The following LETM1 variants were observed in gnomAD, a reference collection of about 807,000 sequenced individuals.
The protein encoded by LETM1 is mitochondrial proton/calcium exchanger protein.
LETM1 carries 50 observed loss-of-function variants against 74.5 expected under a neutral mutation model. The ratio of observed to expected loss-of-function variants is 0.67; its 90% CI spans 0.53 to 0.85. LETM1 has a LOEUF of 0.85. Ranked by LOEUF, LETM1 falls within the 40% of genes least tolerant of loss-of-function variation. The pLI, the probability that LETM1 is intolerant of heterozygous loss-of-function variation, is 0.00. For synonymous variants in LETM1, 446 were observed against 407.1 expected, an observed-to-expected ratio of 1.10 and a Z score of -1.15; for missense variants, 824 against 967.8, an observed-to-expected ratio of 0.85 and a Z score of 1.97.
chr4:1,817,519 T>A (rs575481225), intron 11 of LETM1, among the ~76,000 whole-genome samples: 1 of 151,814 alleles, frequency 6.6e-6, no homozygotes, highest in East Asian at 1.9e-4. Flanking sequence ...CAAGATCACA[T>A]CACTGCACTT....
In LETM1 at chr4:1,834,726, C is replaced by G; in HGVS notation, c.876+119G>C. The G allele has an allele frequency of 6.6e-7, 1 of 1,522,690 alleles. No individual in the cohort carries two copies. The highest frequency in any genetic ancestry group is 1.4e-5 in the African/African-American group (1 of 72,316). 94.3% of individuals were successfully genotyped at this position (1,522,690 alleles called of 1,614,324 possible). A position where few individuals can be genotyped will look rare whatever the true frequency, so the allele number is the denominator to read the frequency against. ...CCCCCGACTGAGCCTCCTGGGTAAACTTTCAAGCGCCAGCCAGCACCTGGG... is the reference window on the plus strand; with the variant it reads ...CCCCCGACTGAGCCTCCTGGGTAAAGTTTCAAGCGCCAGCCAGCACCTGGG... On this transcript the variant is annotated intron_variant, in intron 5 of 13. Coordinates refer to ENST00000302787, the MANE Select transcript of LETM1 (RefSeq NM_012318.3). The surrounding 1 kb of genome is among the most constrained non-coding windows in gnomAD (Gnocchi z 5.0).
At chr4:1,821,112 T>C (rs1047137840) in intron 10 of LETM1, among the ~76,000 whole-genome samples, 8 of 150,816 alleles carry the variant, frequency 5.3e-5, no homozygotes, top group African/African-American at 1.9e-4. Context: ...TTTGATTTGC[T>C]AAAAAGTGAA....
chr4:1,842,940 T>C (rs1712754746), intron 2 of LETM1: 2 of 285,308 alleles, frequency 7.0e-6, no homozygotes, highest in South Asian at 5.8e-5. Context: ...CCTGCGTGTC[T>C]TGCCTGGCAC....
At chr4:1,816,103 T>C (rs571642593) in intron 12 of LETM1, among the ~76,000 whole-genome samples, 82 of 152,392 alleles carry the variant, frequency 5.4e-4, no homozygotes, top group African/African-American at 2.0e-3. Flanking sequence ...CTCAGGCCTG[T>C]GGCCACTTGG....
intron 6 of LETM1, among the ~76,000 whole-genome samples, chr4:1,832,067 G>A (rs926314145): frequency 3.9e-5 from 6 of 152,206 alleles, no homozygotes; most frequent in South Asian, 2.1e-4. Context: ...TTGGGAGGCC[G>A]ATGTGGGCAG....
At chr4:1,851,947 C>T (rs2108858205) in intron 1 of LETM1, among the ~76,000 whole-genome samples, 1 of 152,342 alleles carries the variant, frequency 6.6e-6, no homozygotes, top group South Asian at 2.1e-4. Context: ...CCAAGGAACC[C>T]CCAGTCAAGG....
chr4:1,818,543 G>A (rs1300988394), intron 11 of LETM1, among the ~76,000 whole-genome samples: 3 of 151,970 alleles, frequency 2.0e-5, no homozygotes, highest in East Asian at 1.9e-4. Flanking sequence ...AACCCAGGAG[G>A]CGGAAGTTGC....
At position 1,815,042 on chromosome 4, in the gene LETM1, A is replaced by G. The variant is rs116656301; in HGVS notation, c.2071-469T>C. Among the ~76,000 whole-genome samples the G allele has an allele frequency of 3.3e-3, 504 of 152,302 alleles. 5 individuals carry two copies. The highest frequency in any genetic ancestry group is 0.012 in the African/African-American group (480 of 41,534). The stretch of plus-strand genomic sequence containing the variant: ...AGACGTCTGGAAAATCACTAACCTG[A>G]TGCATGCACCGGGAGCCACGAGGCA... On this transcript the variant is annotated intron_variant, in intron 13 of 13. Coordinates refer to ENST00000302787, the MANE Select transcript of LETM1 (RefSeq NM_012318.3).
intron 4 of LETM1, among the ~76,000 whole-genome samples, chr4:1,835,459 A>C (rs1442688311): frequency 6.7e-6 from 1 of 150,106 alleles, no homozygotes; most frequent in African/African-American, 2.5e-5. Flanking sequence ...AACAAAAACA[A>C]AACAAAAACA....
At position 1,814,080 on chromosome 4, in the gene LETM1, T is replaced by C. The variant is rs1234629140; in HGVS notation, c.*344A>G. On this transcript the variant is annotated 3_prime_UTR_variant, in exon 14 of 14. Transcript: ENST00000302787. ...CGGAGTCCACGTGGTCCTCATTCTCTTCCCTGGGGACAGGGCAGCACAGTC... is the reference window on the plus strand; with the variant it reads ...CGGAGTCCACGTGGTCCTCATTCTCCTCCCTGGGGACAGGGCAGCACAGTC... The C allele has an allele frequency of 6.0e-5, 18 of 302,010 alleles. No individual in the cohort carries two copies. The highest frequency in any genetic ancestry group is 1.3e-5 in the Non-Finnish European group (2 of 156,608). The allele number at this position is 302,010 out of a possible 1,614,324, so 18.7% of individuals were successfully genotyped here.
chr4:1,814,610 C>T lies in LETM1; in HGVS notation c.2071-37G>A, dbSNP rs367916680. On this transcript the variant is annotated intron_variant, in intron 13 of 13. Coordinates refer to ENST00000302787, the MANE Select transcript of LETM1 (RefSeq NM_012318.3). ...GGAAAGGGAGAGGCTCAGGTGGCTG[C>T]GCCCTACAGCACAGTGAGGCAGAGG... 5.6e-5 allele frequency: 88 copies of T among 1,578,216 alleles called. No homozygotes were observed. The African/African-American group carries it at 8.9e-4, about 16-fold the overall frequency.
At chr4:1,832,356 A>C (rs1712306756) in intron 6 of LETM1, among the ~76,000 whole-genome samples, 1 of 152,104 alleles carries the variant, frequency 6.6e-6, no homozygotes, top group East Asian at 1.9e-4. Context: ...CTGAAAGCAC[A>C]AAAGGGCGTG....
chr4:1,833,059 A>C, intron 5 of LETM1, 112 bp from the exon 6 acceptor site: 4 of 848,554 alleles, frequency 4.7e-6, no homozygotes, highest in Non-Finnish European at 3.8e-6. Context: ...GACTCAAACC[A>C]CTGACTACTT....
At chr4:1,830,039 G>GTAAAGAT (rs1712213114) in intron 6 of LETM1, among the ~76,000 whole-genome samples, 1 of 152,184 alleles carries the variant, frequency 6.6e-6, no homozygotes, top group Non-Finnish European at 1.5e-5. Flanking sequence ...AACTGAGCCT[G>GTAAAGAT]GGAAGTTTTC....
intron 6 of LETM1, among the ~76,000 whole-genome samples, chr4:1,829,521 G>A (rs967351256): frequency 5.9e-5 from 9 of 152,248 alleles, no homozygotes; most frequent in Admixed American, 3.3e-4. Flanking sequence ...TAATGGTAAA[G>A]ATGCCGTTCT....
At chr4:1,822,095 C>T (rs1711798935) in intron 10 of LETM1, 86 bp downstream of exon 10, 1 of 1,291,756 alleles carries the variant, frequency 7.7e-7, no homozygotes, top group Non-Finnish European at 1.0e-6. Flanking sequence ...CCCCAGCTAA[C>T]CTGTCCCCAT....
Position 1,855,974 on chromosome 4 carries a change from C to T in LETM1, c.-24G>A. On this transcript the variant is annotated 5_prime_UTR_variant, in exon 1 of 14. Transcript: ENST00000302787. The stretch of plus-strand genomic sequence containing the variant: ...ATGTGCTCGGGCGCGGCGGCCGCTC[C>T]GGCCTCCTGCGCTGCCTCCTTCTCC... 1 of 1,197,954 alleles carries T rather than the reference C, an allele frequency of 8.3e-7. No individual in the cohort carries two copies. Among genetic ancestry groups the T allele is most frequent in the African/African-American group, 1.6e-5 (1 of 63,008 alleles). The allele number at this position is 1,197,954 out of a possible 1,614,324, so 74.2% of individuals were successfully genotyped here. A position where few individuals can be genotyped will look rare whatever the true frequency, so the allele number is the denominator to read the frequency against.
intron 2 of LETM1, among the ~76,000 whole-genome samples, chr4:1,848,737 GA>G (rs1196662792): frequency 5.6e-4 from 60 of 107,968 alleles, no homozygotes; most frequent in East Asian, 1.9e-3. Flanking sequence ...AAAAAAAAAA[GA>G]AAAAAAAAAA....
chr4:1,847,759 G>C (rs1712932141), intron 2 of LETM1, among the ~76,000 whole-genome samples: 2 of 149,198 alleles, frequency 1.3e-5, no homozygotes, highest in Non-Finnish European at 1.5e-5. Flanking sequence ...GGGAGGCAGA[G>C]GTTGCAGTGA....
Sources: gnomAD v4.1 joint callset for allele counts (sites outside exome capture counted in the v4.1 genomes callset) on GRCh38, gnomAD v4.1.1 for gene constraint, Gnocchi (gnomAD v3.1) non-coding constraint, MANE v1.5 for transcripts, NCBI Gene and HGNC (gene_info 2026-07-23, HGNC 2026-07-21) for gene names.